NCAM2: variants seen among roughly 807,000 people sequenced by gnomAD.
NCAM2 encodes the protein N-CAM-2.
NCAM2 carries 30 observed loss-of-function variants against 98.1 expected under a neutral mutation model. That is an observed-to-expected ratio of 0.31 (90% CI 0.23 to 0.41). NCAM2 has a LOEUF of 0.41. NCAM2 is among the 10% of genes least tolerant of loss of function. The probability of loss-of-function intolerance (pLI) is 1.00; values close to 1 mark genes in which losing one functional copy is unlikely to be tolerated. For missense variants in NCAM2, 867 were observed against 1,005.8 expected (o/e 0.86, Z 1.87); for synonymous variants, 368 against 342.4 (o/e 1.07, Z -0.83).
intron 15 of NCAM2, among the ~76,000 whole-genome samples, chr21:21,482,683 A>G (rs558255399): frequency 6.6e-6 from 1 of 151,950 alleles, no homozygotes; most frequent in Non-Finnish European, 1.5e-5. Flanking sequence ...TATTACATTG[A>G]TAACAATAAT....
chr21:21,532,903 A>G (rs1316658467), intron 16 of NCAM2, among the ~76,000 whole-genome samples: 2 of 152,080 alleles, frequency 1.3e-5, no homozygotes, highest in Non-Finnish European at 2.9e-5. Context: ...AATCTGTGTG[A>G]ATCACTGTCT....
In NCAM2 at chr21:21,292,146, A is replaced by G. The variant is rs1389633525; in HGVS notation, c.524A>G (p.Asn175Ser). 25 of 1,611,154 alleles carry G rather than the reference A, an allele frequency of 1.6e-5. No individual in the cohort carries two copies. Among genetic ancestry groups the G allele is most frequent in the Non-Finnish European group, 2.0e-5 (24 of 1,178,340 alleles). ...MLANNNLQIL[N>S]INKSDEGIYR... ...GCAAACAATAACCTGCAGATTCTCA[A>G]CATCAATAAAAGTGATGAAGGTATA... The change falls in exon 5 of 18, where the codon AAC becomes AGC. Residue 175 changes from asparagine (N) to serine (S), a missense_variant. Physicochemically the swap from Asn to Ser is conservative, Grantham distance 46. Coordinates refer to ENST00000400546, the MANE Select transcript of NCAM2 (RefSeq NM_004540.5).
At chr21:21,325,009 G>A (rs1020546874) in intron 6 of NCAM2, among the ~76,000 whole-genome samples, 7 of 150,402 alleles carry the variant, frequency 4.7e-5, no homozygotes. Flanking sequence ...ATGAAATTCT[G>A]TATTCTAAAT....
At chr21:21,211,108 A>C (rs1205308341) in intron 1 of NCAM2, among the ~76,000 whole-genome samples, 1 of 152,134 alleles carries the variant, frequency 6.6e-6, no homozygotes, top group Non-Finnish European at 1.5e-5. Flanking sequence ...TCTGTACTAA[A>C]TAAACGTGCA....
At chr21:21,204,720 T>C (rs910991106) in intron 1 of NCAM2, among the ~76,000 whole-genome samples, 1 of 152,152 alleles carries the variant, frequency 6.6e-6, no homozygotes, top group African/African-American at 2.4e-5. Flanking sequence ...ATCTACTCTC[T>C]ATTATATAGA....
intron 5 of NCAM2, among the ~76,000 whole-genome samples, chr21:21,322,533 C>A (rs921061309): frequency 6.6e-6 from 1 of 152,132 alleles, no homozygotes; most frequent in South Asian, 2.1e-4. Flanking sequence ...GGTGAAAAAT[C>A]TATGTGTGCA....
chr21:21,324,321 T>C, intron 5 of NCAM2, 62 bp from the exon 6 acceptor site: 2 of 1,207,552 alleles, frequency 1.7e-6, no homozygotes, highest in Non-Finnish European at 2.4e-6. Context: ...GCAAAAATTC[T>C]CTAAATGATG....
intron 16 of NCAM2, among the ~76,000 whole-genome samples, chr21:21,528,608 A>C (rs1234163968): frequency 6.6e-6 from 1 of 152,210 alleles, no homozygotes; most frequent in Non-Finnish European, 1.5e-5. Flanking sequence ...AAAAAATTAC[A>C]ATGTATATGG....
At chr21:21,370,295 C>T (rs1233121143) in intron 8 of NCAM2, among the ~76,000 whole-genome samples, 1 of 151,648 alleles carries the variant, frequency 6.6e-6, no homozygotes, top group Non-Finnish European at 1.5e-5. Flanking sequence ...GCTTTCTTAC[C>T]CATTTTTCTT....
At chr21:21,330,248 T>C (rs1198571437) in intron 6 of NCAM2, among the ~76,000 whole-genome samples, 1 of 152,136 alleles carries the variant, frequency 6.6e-6, no homozygotes, top group African/African-American at 2.4e-5. Context: ...ATGTCATTGA[T>C]TCTAATCATT....
At chr21:21,515,404 AT>A (rs1437921543) in intron 16 of NCAM2, among the ~76,000 whole-genome samples, 1 of 152,146 alleles carries the variant, frequency 6.6e-6, no homozygotes, top group Non-Finnish European at 1.5e-5. Flanking sequence ...TAAACAATAA[AT>A]TTTTTAAAAA....
chr21:21,293,567 T>G (rs1018955747), intron 5 of NCAM2, among the ~76,000 whole-genome samples: 1 of 151,864 alleles, frequency 6.6e-6, no homozygotes, highest in African/African-American at 2.4e-5. Context: ...GTCCGATATT[T>G]ATTAAGGGTG....
chr21:21,532,548 T>C (rs1989764130), intron 16 of NCAM2, among the ~76,000 whole-genome samples: 2 of 152,140 alleles, frequency 1.3e-5, no homozygotes, highest in Non-Finnish European at 2.9e-5. Context: ...TAATTCTTAG[T>C]AAGAAAAAGA....
At chr21:21,041,296 A>G (rs2064899591) in intron 1 of NCAM2, among the ~76,000 whole-genome samples, 1 of 152,216 alleles carries the variant, frequency 6.6e-6, no homozygotes, top group South Asian at 2.1e-4. Flanking sequence ...GGTGTTGACA[A>G]CAATAAAAAG....
chr21:21,029,495 A>C (rs1398954803), intron 1 of NCAM2, among the ~76,000 whole-genome samples: 2 of 151,958 alleles, frequency 1.3e-5, no homozygotes, highest in Non-Finnish European at 2.9e-5. Context: ...ATTTAGGAGC[A>C]GGAGAACTTA....
chr21:21,500,590 T>G (rs1569122049), intron 15 of NCAM2, among the ~76,000 whole-genome samples: 1 of 152,132 alleles, frequency 6.6e-6, no homozygotes, highest in South Asian at 2.1e-4. Context: ...CTGAAAGTCA[T>G]GTTCTTTCAA....
At chr21:21,326,921 A>G (rs528746374) in intron 6 of NCAM2, among the ~76,000 whole-genome samples, 4 of 152,304 alleles carry the variant, frequency 2.6e-5, no homozygotes, top group East Asian at 3.9e-4. Flanking sequence ...TCCTGAAAGT[A>G]TCAGGAAATG....
At chr21:21,053,194 TTATA>T (rs1369338786) in intron 1 of NCAM2, among the ~76,000 whole-genome samples, 1 of 152,126 alleles carries the variant, frequency 6.6e-6, no homozygotes, top group Non-Finnish European at 1.5e-5. Context: ...GAGTAAATAT[TTATA>T]TAATGATTGT....
intron 1 of NCAM2, among the ~76,000 whole-genome samples, chr21:21,081,159 G>C (rs760438805): frequency 6.6e-6 from 1 of 152,086 alleles, no homozygotes; most frequent in Non-Finnish European, 1.5e-5. Flanking sequence ...AGAGTTGTAC[G>C]CATGCTCACT....
Sources: gnomAD v4.1 joint callset for allele counts (sites outside exome capture counted in the v4.1 genomes callset) on GRCh38, gnomAD v4.1.1 for gene constraint, MANE v1.5 for transcripts, NCBI Gene and HGNC (gene_info 2026-07-23, HGNC 2026-07-21) for gene names.